STK32A: variants seen among roughly 807,000 people sequenced by gnomAD.
STK32A encodes the protein serine/threonine-protein kinase 32A.
STK32A carries 41 observed loss-of-function variants against 53.2 expected under a neutral mutation model. That is an observed-to-expected ratio of 0.77 (90% CI 0.60 to 1.00). The LOEUF (loss-of-function observed/expected upper bound fraction) is 1.00, where lower values mean the gene tolerates loss of function less well. Among genes scored for constraint, STK32A ranks in the 50% least tolerant of loss-of-function variants. STK32A has a pLI of 0.00. For missense variants in STK32A, 458 were observed against 485.8 expected, an observed-to-expected ratio of 0.94 and a Z score of 0.54; for synonymous variants, 166 against 162.8, an observed-to-expected ratio of 1.02 and a Z score of -0.15.
intron 11 of STK32A, among the ~76,000 whole-genome samples, chr5:147,379,343 AC>A (rs1245276699): frequency 1.3e-5 from 2 of 151,750 alleles, no homozygotes; most frequent in African/African-American, 2.4e-5. Context: ...ATTGAGATAC[AC>A]TGTTATAGAA....
chr5:147,294,075 C>T (rs955528225), intron 4 of STK32A, among the ~76,000 whole-genome samples: 3 of 152,084 alleles, frequency 2.0e-5, no homozygotes, highest in Admixed American at 2.0e-4. Flanking sequence ...TTCAAGAAAA[C>T]CCTGTGGTTC....
chr5:147,360,906 G>A (rs1042779802), intron 7 of STK32A, among the ~76,000 whole-genome samples: 2 of 152,130 alleles, frequency 1.3e-5, no homozygotes, highest in Admixed American at 1.3e-4. Context: ...ATTGACTGTA[G>A]CTCTGCCTTC....
intron 5 of STK32A, among the ~76,000 whole-genome samples, chr5:147,329,637 G>A (rs568698121): frequency 4.6e-5 from 7 of 150,994 alleles, no homozygotes; most frequent in Non-Finnish European, 8.8e-5. Context: ...CTGCATGCAC[G>A]TGCACGCACG....
intron 9 of STK32A, among the ~76,000 whole-genome samples, chr5:147,371,756 G>A (rs1416905961): frequency 5.3e-5 from 8 of 152,264 alleles, no homozygotes; most frequent in African/African-American, 1.7e-4. Flanking sequence ...TTGAACTCAA[G>A]TCACAAGGTG....
chr5:147,401,481 C>G, the STK32A span: 30 of 1,529,742 alleles, frequency 2.0e-5, no homozygotes, highest in East Asian at 6.3e-4. Context: ...CCTCAACCCC[C>G]AGCTGGACTC....
At chr5:147,368,121 T>C (rs1321590793) in intron 8 of STK32A, among the ~76,000 whole-genome samples, 2 of 152,268 alleles carry the variant, frequency 1.3e-5, no homozygotes, top group Non-Finnish European at 2.9e-5. Context: ...GTCATCTCTC[T>C]AACTCCCTAC....
At chr5:147,270,151 C>T (rs1054942493) in intron 2 of STK32A, among the ~76,000 whole-genome samples, 1 of 152,038 alleles carries the variant, frequency 6.6e-6, no homozygotes, top group African/African-American at 2.4e-5. Context: ...AAATCACAAA[C>T]CCAGAAGGAC....
intron 4 of STK32A, among the ~76,000 whole-genome samples, chr5:147,311,391 G>A (rs75555314): frequency 0.074 from 11,270 of 152,116 alleles, 781 homozygotes; most frequent in East Asian, 0.22. Flanking sequence ...AATGACCATC[G>A]AATGAACAAG....
chr5:147,363,826 CTTAA>C (rs1201800337), intron 8 of STK32A, among the ~76,000 whole-genome samples: 3 of 152,134 alleles, frequency 2.0e-5, no homozygotes, highest in Non-Finnish European at 4.4e-5. Context: ...TTGCTTTTTG[CTTAA>C]TTATTTTTTC....
rs1473538774 is a variant in STK32A, at chr5:147,385,327, T to G, written c.*1344T>G. 1 of 152,066 alleles carries G rather than the reference T, an allele frequency of 6.6e-6. No homozygotes were observed. The highest frequency in any genetic ancestry group is 1.5e-5 in the Non-Finnish European group (1 of 68,024). The allele number at this position is 152,066 out of a possible 1,614,324, so 9.4% of individuals were successfully genotyped here. A position where few individuals can be genotyped will look rare whatever the true frequency, so the allele number is the denominator to read the frequency against. ...TAATTTTTTGTATTTTTAGTAGAGATAGGATTTTGCTAAGCTGGCCAGGTT... is the reference window on the plus strand; with the variant it reads ...TAATTTTTTGTATTTTTAGTAGAGAGAGGATTTTGCTAAGCTGGCCAGGTT... On this transcript the variant is annotated 3_prime_UTR_variant, in exon 13 of 13. Coordinates refer to ENST00000397936, the MANE Select transcript of STK32A (RefSeq NM_001112724.2).
intron 2 of STK32A, among the ~76,000 whole-genome samples, chr5:147,246,327 C>G (rs1753765619): frequency 1.3e-5 from 2 of 152,058 alleles, no homozygotes; most frequent in South Asian, 4.1e-4. Flanking sequence ...GAAAACAGAC[C>G]ACAAACACTG....
At chr5:147,268,792 T>G (rs1294834949) in intron 2 of STK32A, among the ~76,000 whole-genome samples, 1 of 152,084 alleles carries the variant, frequency 6.6e-6, no homozygotes, top group Non-Finnish European at 1.5e-5. Context: ...ATGTGAGAGA[T>G]GATGAGTGAC....
At chr5:147,310,096 T>C (rs1225140512) in intron 4 of STK32A, among the ~76,000 whole-genome samples, 3 of 152,174 alleles carry the variant, frequency 2.0e-5, no homozygotes, top group African/African-American at 7.2e-5. Flanking sequence ...AAAACCATTA[T>C]GTCGTATTAT....
intron 2 of STK32A, among the ~76,000 whole-genome samples, chr5:147,268,106 A>G (rs1442912626): frequency 6.6e-6 from 1 of 150,430 alleles, no homozygotes; most frequent in Admixed American, 6.7e-5. Flanking sequence ...GGGTGGACAC[A>G]CTTGAGAATC....
downstream of STK32A, among the ~76,000 whole-genome samples, chr5:147,388,345 T>G (rs1757725097): frequency 6.6e-6 from 1 of 152,222 alleles, no homozygotes; most frequent in Non-Finnish European, 1.5e-5. Context: ...CAAAGGGCAC[T>G]GTCACCACCT....
chr5:147,306,256 A>G (rs1753402518), intron 4 of STK32A, among the ~76,000 whole-genome samples: 1 of 151,874 alleles, frequency 6.6e-6, no homozygotes, highest in Admixed American at 6.6e-5. Context: ...CTTTGTTGGG[A>G]AGTGCTTGTT....
chr5:147,248,934 A>G (rs1262335969), intron 2 of STK32A, among the ~76,000 whole-genome samples: 1 of 151,968 alleles, frequency 6.6e-6, no homozygotes, highest in African/African-American at 2.4e-5. Flanking sequence ...ATTTTTTTTT[A>G]TTAGTGGATC....
At chr5:147,240,027 T>C (rs1175390474) in intron 2 of STK32A, 7 of 226,452 alleles carry the variant, frequency 3.1e-5, no homozygotes, top group Admixed American at 1.1e-4. Flanking sequence ...TTACAGAAAA[T>C]ACATTATCAA....
intron 11 of STK32A, among the ~76,000 whole-genome samples, chr5:147,376,658 C>T (rs2152006039): frequency 6.6e-6 from 1 of 152,246 alleles, no homozygotes; most frequent in South Asian, 2.1e-4. Context: ...CCTCACAGGC[C>T]CTGCAAGTGT....
Sources: gnomAD v4.1 joint callset for allele counts (sites outside exome capture counted in the v4.1 genomes callset) on GRCh38, gnomAD v4.1.1 for gene constraint, MANE v1.5 for transcripts, NCBI Gene and HGNC (gene_info 2026-07-23, HGNC 2026-07-21) for gene names.